ALPK2: variants seen among roughly 807,000 people sequenced by gnomAD.
ALPK2 encodes alpha kinase 2, also known as alpha-protein kinase 2.
ALPK2 carries 127 observed loss-of-function variants against 163.1 expected under a neutral mutation model. That is an observed-to-expected ratio of 0.78 (90% CI 0.67 to 0.90). ALPK2 has a LOEUF of 0.90. ALPK2 is among the 40% of genes least tolerant of loss of function. ALPK2 has a pLI of 0.00. For synonymous variants in ALPK2, 953 were observed against 959.1 expected (o/e 0.99, Z 0.12); for missense variants, 2,360 against 2,589.6 (o/e 0.91, Z 1.92).
At chr18:58,527,257 G>A (rs1361424334) in intron 6 of ALPK2, among the ~76,000 whole-genome samples, 2 of 152,228 alleles carry the variant, frequency 1.3e-5, no homozygotes, top group Non-Finnish European at 2.9e-5. Context: ...CTGGAAGTAG[G>A]CATGAGAGAA....
chr18:58,598,936 G>A (rs1283008315), intron 3 of ALPK2, among the ~76,000 whole-genome samples: 1 of 152,194 alleles, frequency 6.6e-6, no homozygotes, highest in Non-Finnish European at 1.5e-5. Flanking sequence ...GAACGTGACA[G>A]TGACAGTTTT....
intron 5 of ALPK2, among the ~76,000 whole-genome samples, chr18:58,533,221 G>T (rs183249749): frequency 3.3e-5 from 5 of 152,128 alleles, no homozygotes; most frequent in Admixed American, 3.3e-4. Flanking sequence ...AGTCTTTGAC[G>T]GCGATTGATT....
chr18:58,622,216 A>G (rs904869682), intron 1 of ALPK2, among the ~76,000 whole-genome samples: 11 of 151,964 alleles, frequency 7.2e-5, no homozygotes, highest in African/African-American at 2.4e-4. Context: ...GTGTGGTGGC[A>G]CACACCTGTA....
rs543450537 is a variant in ALPK2, at chr18:58,590,505, T to TA, written c.228-9958_228-9957insT. On this transcript the variant is annotated intron_variant, in intron 3 of 12. Coordinates refer to ENST00000361673, the MANE Select transcript of ALPK2 (RefSeq NM_052947.4). The stretch of plus-strand genomic sequence containing the variant: ...GGGCTCCACTCAATAAATAATCACA[T>TA]GATGACATCCGTGTCCTTTCCTTGG... 2.6e-3 allele frequency among the ~76,000 whole-genome samples: 402 copies of TA among 152,302 alleles called. 7 individuals carry two copies. In the South Asian group the frequency reaches 0.029, roughly 11 times the overall value.
chr18:58,593,263 C>G (rs982758981), intron 3 of ALPK2, among the ~76,000 whole-genome samples: 3 of 152,058 alleles, frequency 2.0e-5, no homozygotes, highest in African/African-American at 7.2e-5. Flanking sequence ...AAATTAAAGT[C>G]TATTTAAAAA....
Position 58,536,116 on chromosome 18 carries a change from C to CA in ALPK2, c.4070dup (p.Ser1358ValfsTer5). ...TCCCTCCAGTTTCAGAAGCCGCTGA[C>CA]AGTGAATCTGTGACAGATAACTCCT... On this transcript the variant is annotated frameshift_variant, in exon 5 of 13. Transcript: ENST00000361673. 1 of 1,614,174 alleles carries CA rather than the reference C, an allele frequency of 6.2e-7. No homozygotes were observed. The highest frequency in any genetic ancestry group is 8.5e-7 in the Non-Finnish European group (1 of 1,180,040).
At chr18:58,621,831 G>A (rs920815328) in intron 1 of ALPK2, among the ~76,000 whole-genome samples, 1 of 152,136 alleles carries the variant, frequency 6.6e-6, no homozygotes, top group African/African-American at 2.4e-5. Context: ...AATATTAATA[G>A]TGAGCACCTC....
At chr18:58,575,595 C>A (rs1012986839) in intron 4 of ALPK2, among the ~76,000 whole-genome samples, 2 of 152,198 alleles carry the variant, frequency 1.3e-5, no homozygotes, top group African/African-American at 4.8e-5. Context: ...CCTAGTGTGG[C>A]TGCCGAGAAA....
At position 58,536,591 on chromosome 18, in the gene ALPK2, G is replaced by A. The variant is rs753517233; in HGVS notation, c.3596C>T (p.Thr1199Ile). 6 of 1,614,000 alleles carry A rather than the reference G, an allele frequency of 3.7e-6. No individual in the cohort carries two copies. The highest frequency in any genetic ancestry group is 4.2e-6 in the Non-Finnish European group (5 of 1,180,022). The change falls in exon 5 of 13, where the codon ACT (threonine) becomes ATT (isoleucine). Residue 1199 changes from threonine (T) to isoleucine (I), a missense_variant. By Grantham distance (89) the Thr-to-Ile change is moderately conservative (BLOSUM62 -1). Transcript: ENST00000361673. Reference protein sequence around the residue: ...WGTRVSVVAETAGEEDSQALS... With the variant: ...WGTRVSVVAEIAGEEDSQALS... ...AGCCTGACTGTCTTCTTCCCCAGCA[G>A]TTTCAGCCACCACGGAGACCCTCGT... is the stretch of plus-strand genomic sequence containing the variant.
At chr18:58,484,752 TATA>T (rs112129757) in intron 12 of ALPK2, among the ~76,000 whole-genome samples, 3 of 149,694 alleles carry the variant, frequency 2.0e-5, no homozygotes, top group Non-Finnish European at 3.0e-5. Flanking sequence ...CAAAAAATAA[TATA>T]ATAATAATAA....
At chr18:58,570,175 A>G (rs1000223992) in intron 4 of ALPK2, among the ~76,000 whole-genome samples, 1 of 151,882 alleles carries the variant, frequency 6.6e-6, no homozygotes, top group Admixed American at 6.6e-5. Flanking sequence ...CCTTCCCATC[A>G]TCGGCTAAGA....
rs189002320 is a variant in ALPK2, at chr18:58,506,063, G to A, written c.6030-1915C>T. ...TTGCTTTAAATACCGTTCAGATGCC[G>A]ATGGCTTCCACATTTATGTCCCCAG... On this transcript the variant is annotated intron_variant, in intron 10 of 12. Coordinates refer to ENST00000361673, the MANE Select transcript of ALPK2 (RefSeq NM_052947.4). 3.0e-3 allele frequency among the ~76,000 whole-genome samples: 450 copies of A among 152,140 alleles called. 1 individual carries two copies. Among genetic ancestry groups the A allele is most frequent in the Non-Finnish European group, 5.2e-3 (352 of 68,022 alleles).
At chr18:58,593,563 CAAAA>C (rs34460316) in intron 3 of ALPK2, among the ~76,000 whole-genome samples, 3 of 50,636 alleles carry the variant, frequency 5.9e-5, no homozygotes, top group African/African-American at 7.9e-5. Flanking sequence ...GACTCTGTCT[CAAAA>C]AAAAAAAAAA....
chr18:58,494,835 T>C (rs990910893), intron 12 of ALPK2, among the ~76,000 whole-genome samples: 8 of 152,358 alleles, frequency 5.3e-5, no homozygotes, highest in Non-Finnish European at 1.0e-4. Flanking sequence ...ACCTGGACTT[T>C]CCTGTCTGCA....
In ALPK2 at chr18:58,607,381, G is replaced by T; in HGVS notation, c.168C>A (p.Gly56=). Residue 56 remains glycine (G), a synonymous_variant, in exon 3 of 13, where the codon GGC becomes GGA. Transcript: ENST00000361673. The stretch of plus-strand genomic sequence containing the variant: ...CAAAGAATTCATAGTTGGAAATAAT[G>T]CCACTCCCATCGATGGCCTGACCAT... ...YKNGQAIDGS[G]IISNYEFFEN... is the part of the protein sequence containing the mutation. The T allele has an allele frequency of 6.2e-7, 1 of 1,613,652 alleles. No homozygotes were observed. Among genetic ancestry groups the T allele is most frequent in the Non-Finnish European group, 8.5e-7 (1 of 1,179,848 alleles).
At chr18:58,493,528 G>A (rs141520736) in intron 12 of ALPK2, among the ~76,000 whole-genome samples, 1 of 152,244 alleles carries the variant, frequency 6.6e-6, no homozygotes, top group Non-Finnish European at 1.5e-5. Context: ...GGCATTGAAG[G>A]CAGAGCCTTT....
intron 12 of ALPK2, among the ~76,000 whole-genome samples, chr18:58,490,070 C>CA (rs35949429): frequency 0.16 from 23,749 of 145,260 alleles, 1,978 homozygotes; most frequent in East Asian, 0.38. Flanking sequence ...GAGTCCGTCT[C>CA]AAAAAAAAAA....
intron 12 of ALPK2, among the ~76,000 whole-genome samples, chr18:58,494,240 G>A (rs1176636571): frequency 6.6e-6 from 1 of 152,142 alleles, no homozygotes; most frequent in African/African-American, 2.4e-5. Context: ...AATCTTACTT[G>A]CCATACTTTG....
intron 4 of ALPK2, among the ~76,000 whole-genome samples, chr18:58,557,737 C>A (rs991199641): frequency 3.3e-5 from 5 of 149,278 alleles, no homozygotes; most frequent in Non-Finnish European, 7.4e-5. Context: ...TATAGTTTGT[C>A]ATTGGATCAG....
Sources: allele counts gnomAD v4.1 joint callset (sites outside exome capture counted in the v4.1 genomes callset), GRCh38; gene constraint gnomAD v4.1.1; transcripts MANE v1.5; gene names NCBI Gene and HGNC (gene_info 2026-07-23, HGNC 2026-07-21).